TEP1: variants seen among roughly 807,000 people sequenced by gnomAD.
TEP1 encodes the protein telomerase associated protein 1.
TEP1 carries 241 observed loss-of-function variants against 306.3 expected under a neutral mutation model. That is an observed-to-expected ratio of 0.79 (90% CI 0.71 to 0.88). The LOEUF (loss-of-function observed/expected upper bound fraction) is 0.88. Ranked by LOEUF, TEP1 falls within the 40% of genes least tolerant of loss-of-function variation. The pLI, the probability that TEP1 is intolerant of heterozygous loss-of-function variation, is 0.00. For missense variants in TEP1, 3,051 were observed against 3,276.1 expected (o/e 0.93, Z 1.68); for synonymous variants, 1,289 against 1,305.5 (o/e 0.99, Z 0.27).
intron 51 of TEP1, among the ~76,000 whole-genome samples, chr14:20,370,549 G>A (rs1884773389): frequency 6.6e-6 from 1 of 152,018 alleles, no homozygotes; most frequent in South Asian, 2.1e-4. Flanking sequence ...TAATTTTTTT[G>A]CCATGTAGTA....
At chr14:20,407,219 A>AG (rs1346683242) in intron 2 of TEP1, among the ~76,000 whole-genome samples, 1 of 152,244 alleles carries the variant, frequency 6.6e-6, no homozygotes, top group Admixed American at 6.5e-5. Flanking sequence ...AGGCCCTGAT[A>AG]GGGCTGTTGG....
chr14:20,384,989 G>A lies in TEP1; in HGVS notation c.3103C>T (p.Leu1035Phe), dbSNP rs377521252. 1 of 1,614,226 alleles carries A rather than the reference G, an allele frequency of 6.2e-7. No homozygotes were observed. The highest frequency in any genetic ancestry group is 1.1e-5 in the South Asian group (1 of 91,074). The change falls in exon 21 of 55, where the codon CTC (leucine) becomes TTC (phenylalanine). Residue 1035 changes from leucine (L) to phenylalanine (F), a missense_variant. By Grantham distance (22) the Leu-to-Phe change is conservative (BLOSUM62 0). Around this residue, in one of 3 missense-constraint regions of TEP1, gnomAD observed 1,507 missense variants for 1,550.5 expected, o/e 0.97. Coordinates refer to ENST00000262715, the MANE Select transcript of TEP1 (RefSeq NM_007110.5). ...ALIYFRDSSF[L>F]SSVPDAWKSD... ...CCTGCAGGCAACAGACAGTACCTGA[G>A]GAAGCTGGAATCCCGGAAGTAGATG... is the stretch of plus-strand genomic sequence containing the variant.
Position 20,389,249 on chromosome 14 carries a change from A to G in TEP1, c.2514T>C (p.Asp838=), listed in dbSNP as rs371252650. 20 of 1,614,168 alleles carry G rather than the reference A, an allele frequency of 1.2e-5. No individual in the cohort carries two copies. The highest frequency in any genetic ancestry group is 1.1e-4 in the East Asian group (5 of 44,884). ...PNDVTLSGCT[D]AILKFIAEHG... is the part of the protein sequence containing the mutation. ...CATTCTGTACTCACTTCAGTATCGCATCAGTACAGCCTGAGAGTGTCACAT... is the reference window on the plus strand; with the variant it reads ...CATTCTGTACTCACTTCAGTATCGCGTCAGTACAGCCTGAGAGTGTCACAT... The change falls in exon 17 of 55, where the codon GAT becomes GAC. Residue 838 remains aspartate (D), a synonymous_variant. Transcript: ENST00000262715.
intron 2 of TEP1, among the ~76,000 whole-genome samples, chr14:20,407,167 G>A (rs552720642): frequency 6.6e-6 from 1 of 152,316 alleles, no homozygotes; most frequent in East Asian, 1.9e-4. Flanking sequence ...AAAAGTGGAC[G>A]TGTATTTGCA....
chr14:20,377,112 G>A (rs1457179637), intron 41 of TEP1, among the ~76,000 whole-genome samples, 168 bp downstream of exon 41: 1 of 152,102 alleles, frequency 6.6e-6, no homozygotes, highest in Non-Finnish European at 1.5e-5. Context: ...CTACTCGGGA[G>A]GCCGAGACAG....
In TEP1 at chr14:20,386,465, T is replaced by G; in HGVS notation, c.2843A>C (p.Glu948Ala). ...CCCACACCTGTTCCTACGGGTCTCC[T>G]CCTCAGTGACGCCCCAGCGGAGGTC... ...GIDLRWGVTE[E>A]ETRRNRQLEV... Residue 948 changes from glutamate to alanine, a missense_variant, in exon 19 of 55, where the codon GAG (glutamate) becomes GCG (alanine). This residue lies in a region of TEP1 where 1,507 missense variants were observed against 1,550.5 expected (regional missense o/e 0.97). Transcript: ENST00000262715. 6.2e-7 allele frequency: 1 copy of G among 1,607,006 alleles called. No homozygotes were observed. The highest frequency in any genetic ancestry group is 8.5e-7 in the Non-Finnish European group (1 of 1,175,996).
chr14:20,391,193 G>T, intron 13 of TEP1, 97 bp from the exon 14 acceptor site: 1 of 1,292,590 alleles, frequency 7.7e-7, no homozygotes, highest in Non-Finnish European at 1.1e-6. Flanking sequence ...ATTGGTTAGA[G>T]GGAATAAGAA....
chr14:20,413,458 C>G lies in TEP1; in HGVS notation c.-78G>C, dbSNP rs1038633165. 82 of 152,560 alleles carry G rather than the reference C, an allele frequency of 5.4e-4. No homozygotes were observed. Among genetic ancestry groups the G allele is most frequent in the Middle Eastern group, 6.8e-3 (2 of 294 alleles). 9.5% of individuals were successfully genotyped at this position (152,560 alleles called of 1,614,324 possible). Reference sequence around the variant, plus strand: ...GCAGAAACTTCGCTCTGGATTCTGCCGGTGGGAAGGGTGGCAGCCGGGGGA... The same window carrying G: ...GCAGAAACTTCGCTCTGGATTCTGCGGGTGGGAAGGGTGGCAGCCGGGGGA... On this transcript the variant is annotated 5_prime_UTR_variant, in exon 1 of 55. Transcript: ENST00000262715.
intron 35 of TEP1, among the ~76,000 whole-genome samples, chr14:20,379,512 C>T (rs978119089): frequency 2.6e-5 from 4 of 152,364 alleles, no homozygotes; most frequent in African/African-American, 9.6e-5. Context: ...GAACATTCCC[C>T]TCCTGTGTCT....
rs762179399 is a variant in TEP1 at position 20,368,525 on chromosome 14, C to T, written c.7796G>A (p.Cys2599Tyr). 1.2e-6 allele frequency: 2 copies of T among 1,614,160 alleles called. No homozygotes were observed. Among genetic ancestry groups the T allele is most frequent in the Middle Eastern group, 3.3e-4 (2 of 6,062 alleles). ...GTTAGCGCCCAGCCAAGGTTCCAGG[C>T]AGCTCACTGACCCTTCGCATCGGAA... ...GLFRCEGSVS[C>Y]LEPWLGANST... is the part of the protein sequence containing the mutation. The change falls in exon 55 of 55, where the codon TGC becomes TAC. Residue 2599 changes from cysteine (C) to tyrosine (Y), a missense_variant. By Grantham distance (194) the Cys-to-Tyr change is radical (BLOSUM62 -2). This residue lies in a region of TEP1 where 1,540 missense variants were observed against 1,705.9 expected (regional missense o/e 0.90). Coordinates refer to ENST00000262715, the MANE Select transcript of TEP1 (RefSeq NM_007110.5).
At chr14:20,388,291 C>A (rs181720630) in intron 17 of TEP1, among the ~76,000 whole-genome samples, 1 of 152,254 alleles carries the variant, frequency 6.6e-6, no homozygotes, top group East Asian at 1.9e-4. Context: ...TCCTGCTGTG[C>A]GTGGTAATCA....
Position 20,369,794 on chromosome 14 carries a change from G to A in TEP1, c.7318-15C>T. 6.2e-7 allele frequency: 1 copy of A among 1,608,082 alleles called. No homozygotes were observed. The highest frequency in any genetic ancestry group is 8.5e-7 in the Non-Finnish European group (1 of 1,175,334). On this transcript the variant is annotated splice_polypyrimidine_tract_variant and intron_variant, in intron 51 of 54. Coordinates refer to ENST00000262715, the MANE Select transcript of TEP1 (RefSeq NM_007110.5). ...TCCTTTTGCCTCTGTGAAAGAATAG[G>A]TAATTTTGTTTAGCCTACCCATATG... is the stretch of plus-strand genomic sequence containing the variant.
At position 20,408,385 on chromosome 14, in the gene TEP1, T is replaced by C; in HGVS notation, c.55A>G (p.Asn19Asp). ...TCAGGGAGCATAGCCAGGCACCGGT[T>C]CTCCAAGGAGAGGATGTCTGGATGG... ...SAHPDILSLE[N>D]RCLAMLPDLQ... Residue 19 changes from asparagine (N) to aspartate (D), a missense_variant, in exon 2 of 55, where the codon AAC (asparagine) becomes GAC (aspartate). Asn to Asp is a conservative substitution (Grantham distance 23). Coordinates refer to ENST00000262715, the MANE Select transcript of TEP1 (RefSeq NM_007110.5). 1 of 1,614,130 alleles carries C rather than the reference T, an allele frequency of 6.2e-7. No homozygotes were observed. Among genetic ancestry groups the C allele is most frequent in the Non-Finnish European group, 8.5e-7 (1 of 1,180,022 alleles).
intron 1 of TEP1, among the ~76,000 whole-genome samples, chr14:20,409,094 C>A (rs1373969707): frequency 6.6e-6 from 1 of 152,142 alleles, no homozygotes; most frequent in Non-Finnish European, 1.5e-5. Context: ...GGATTCTGTC[C>A]CCACCAGTCC....
rs138959092 is a variant in TEP1 at position 20,388,340 on chromosome 14, G to A, written c.2526-277C>T. On this transcript the variant is annotated intron_variant, in intron 17 of 54. Coordinates refer to ENST00000262715, the MANE Select transcript of TEP1 (RefSeq NM_007110.5). ...GGGCCGGGGCAACGGGGTAGGGAAAGGTGTAAAGATTAAAGCCATCCCAGT... is the reference window on the plus strand; with the variant it reads ...GGGCCGGGGCAACGGGGTAGGGAAAAGTGTAAAGATTAAAGCCATCCCAGT... Among the ~76,000 whole-genome samples, 1,211 of 152,304 alleles carry A rather than the reference G, an allele frequency of 8.0e-3. 18 individuals carry two copies. The highest frequency in any genetic ancestry group is 0.028 in the African/African-American group (1,151 of 41,566).
chr14:20,384,278 A>G, intron 23 of TEP1, 46 bp from the exon 24 acceptor site: 2 of 1,609,216 alleles, frequency 1.2e-6, no homozygotes, highest in Non-Finnish European at 1.7e-6. Flanking sequence ...CATGCTCCTC[A>G]GCACTCCCAG....
chr14:20,377,228 A>G, intron 41 of TEP1, 52 bp downstream of exon 41: 2 of 1,432,672 alleles, frequency 1.4e-6, no homozygotes, highest in South Asian at 1.3e-5. Context: ...AAAAAAAAAA[A>G]AGAAAAGAAA....
Position 20,371,210 on chromosome 14 carries a change from G to A in TEP1, c.7317+8C>T. 2 of 1,611,208 alleles carry A rather than the reference G, an allele frequency of 1.2e-6. No homozygotes were observed. The highest frequency in any genetic ancestry group is 1.3e-5 in the African/African-American group (1 of 74,936). On this transcript the variant is annotated splice_region_variant and intron_variant, in intron 51 of 54. Coordinates refer to ENST00000262715, the MANE Select transcript of TEP1 (RefSeq NM_007110.5). ...GTTTGCTTTAGCACACACTCAAATA[G>A]GACTTACCAAGAAAGAAAGAACTCC...
rs1876843957 is a variant in TEP1, at chr14:20,383,861, A to C, written c.3592T>G (p.Phe1198Val). 3 of 1,604,044 alleles carry C rather than the reference A, an allele frequency of 1.9e-6. No homozygotes were observed. In the African/African-American group the frequency reaches 4.0e-5, roughly 21 times the overall value. ...PDGAKVASLV[F>V]FHFSGARPDQ... ...GGACGAGCCCCAGAAAAGTGGAAGA[A>C]GACTAATGATGCCACCTTGGCCCCA... Residue 1198 changes from phenylalanine (F) to valine (V), a missense_variant, in exon 25 of 55, where the codon TTC (phenylalanine) becomes GTC (valine). Physicochemically the swap from Phe to Val is conservative, Grantham distance 50 (BLOSUM62 -1). This residue lies in a region of TEP1 where 1,507 missense variants were observed against 1,550.5 expected (regional missense o/e 0.97). Coordinates refer to ENST00000262715, the MANE Select transcript of TEP1 (RefSeq NM_007110.5).
Sources: allele counts gnomAD v4.1 joint callset (sites outside exome capture counted in the v4.1 genomes callset), GRCh38; gene constraint gnomAD v4.1.1; regional missense constraint gnomAD v4.1.1; transcripts MANE v1.5; gene names NCBI Gene and HGNC (gene_info 2026-07-23, HGNC 2026-07-21).